The following BANK1 variants were observed in gnomAD, a reference collection of about 807,000 sequenced individuals.
BANK1 encodes B cell scaffold protein with ankyrin repeats 1.
Under a neutral mutation model 94.5 loss-of-function variants are expected in BANK1, and 95 were observed. The observed-to-expected ratio is 1.00, with a 90% CI of 0.85 to 1.19. The LOEUF is 1.19. Among genes scored for constraint, BANK1 ranks in the 50% most tolerant of loss-of-function variants. The pLI is 0.00. For missense variants in BANK1, 987 were observed against 932.2 expected, an observed-to-expected ratio of 1.06 and a Z score of -0.77; for synonymous variants, 334 against 308.4, an observed-to-expected ratio of 1.08 and a Z score of -0.87.
At chr4:102,039,639 A>C (rs1727642212) in intron 10 of BANK1, among the ~76,000 whole-genome samples, 1 of 152,106 alleles carries the variant, frequency 6.6e-6, no homozygotes, top group Admixed American at 6.6e-5. Flanking sequence ...TCTTATCAGT[A>C]AGCAGTAATG....
intron 1 of BANK1, among the ~76,000 whole-genome samples, chr4:101,805,785 T>C (rs1433722227): frequency 6.6e-6 from 1 of 151,860 alleles, no homozygotes; most frequent in Non-Finnish European, 1.5e-5. Flanking sequence ...GGCAATCTTT[T>C]TCAAACTCTT....
At chr4:101,795,312 AG>A (rs1725118575) in intron 1 of BANK1, among the ~76,000 whole-genome samples, 1 of 152,052 alleles carries the variant, frequency 6.6e-6, no homozygotes, top group African/African-American at 2.4e-5. Context: ...CTGGACAACA[AG>A]TCATATTGTT....
rs562662392 is a variant in BANK1 at position 101,998,017 on chromosome 4, G to T, written c.1207-23497G>T. On this transcript the variant is annotated intron_variant, in intron 7 of 16. Transcript: ENST00000322953. ...CTGTTAATTGCGATGTAAGAGTGGC[G>T]ATTTTAGATCTTTCCCACTTTCTCC... Among the ~76,000 whole-genome samples, 4 of 152,124 alleles carry T rather than the reference G, an allele frequency of 2.6e-5. No individual in the cohort carries two copies. In the East Asian group the frequency reaches 7.7e-4, roughly 29 times the overall value.
At chr4:101,875,198 G>A (rs953546456) in intron 5 of BANK1, among the ~76,000 whole-genome samples, 4 of 120,196 alleles carry the variant, frequency 3.3e-5, no homozygotes, top group Admixed American at 2.2e-4. Context: ...TCTGGGAGCA[G>A]GTGTGGTGCA....
chr4:101,912,686 C>A lies in BANK1; in HGVS notation c.1010-5307C>A, dbSNP rs188641194. ...ATTGGCAGGTCTGAAATATGCAGGG[C>A]AGGTTGGCACTTAGGGGTTTCCCTA... On this transcript the variant is annotated intron_variant, in intron 6 of 16. Transcript: ENST00000322953. Among the ~76,000 whole-genome samples, 519 of 149,772 alleles carry A rather than the reference C, an allele frequency of 3.5e-3. 1 individual carries two copies. The highest frequency in any genetic ancestry group is 0.012 in the African/African-American group (490 of 40,988).
chr4:101,842,540 G>A (rs1357218372), intron 2 of BANK1, among the ~76,000 whole-genome samples: 1 of 152,114 alleles, frequency 6.6e-6, no homozygotes. Flanking sequence ...AATACTTCTA[G>A]CATCCCCATT....
chr4:102,004,010 A>G lies in BANK1; in HGVS notation c.1207-17504A>G, dbSNP rs532087639. On this transcript the variant is annotated intron_variant, in intron 7 of 16. Coordinates refer to ENST00000322953, the MANE Select transcript of BANK1 (RefSeq NM_017935.5). ...ATATACATATATGTATATATAACCT[A>G]TTTGAGCTATGTAAAATGACAACCC... is the stretch of plus-strand genomic sequence containing the variant. Among the ~76,000 whole-genome samples the G allele has an allele frequency of 3.3e-5, 5 of 151,668 alleles. No individual in the cohort carries two copies. The South Asian group carries it at 6.3e-4, about 19-fold the overall frequency.
intron 2 of BANK1, among the ~76,000 whole-genome samples, chr4:101,841,676 C>T (rs1323179804): frequency 1.3e-5 from 2 of 151,366 alleles, no homozygotes; most frequent in Admixed American, 1.3e-4. Flanking sequence ...GCACAATGTG[C>T]AGGTTAGTTA....
chr4:101,832,582 T>C (rs981144698), intron 2 of BANK1, among the ~76,000 whole-genome samples: 2 of 152,188 alleles, frequency 1.3e-5, no homozygotes, highest in African/African-American at 4.8e-5. Flanking sequence ...ACTTCCAATC[T>C]CTTTCGTTTT....
At chr4:102,066,499 C>T (rs902863262) in intron 13 of BANK1, among the ~76,000 whole-genome samples, 3 of 152,052 alleles carry the variant, frequency 2.0e-5, no homozygotes, top group Admixed American at 6.6e-5. Context: ...CCTCGTGATC[C>T]GCCCGCCTCG....
At chr4:101,825,739 A>G (rs112709516) in intron 1 of BANK1, among the ~76,000 whole-genome samples, 1 of 152,126 alleles carries the variant, frequency 6.6e-6, no homozygotes, top group Admixed American at 6.5e-5. Context: ...AAATACTGAA[A>G]TGATTTCATC....
chr4:101,870,621 G>T lies in BANK1; in HGVS notation c.880G>T (p.Asp294Tyr). Residue 294 changes from aspartate (D) to tyrosine (Y), a missense_variant, in exon 5 of 17, where the codon GAT becomes TAT. By Grantham distance (160) the Asp-to-Tyr change is radical. Transcript: ENST00000322953. ...KAKECLFRMA[D>Y]SGESLCQNSI... ...AAAGGAATGCCTATTCAGAATGGCAGATTCAGGAGAGAGTTTGTGCCAGGT... is the reference window on the plus strand; with the variant it reads ...AAAGGAATGCCTATTCAGAATGGCATATTCAGGAGAGAGTTTGTGCCAGGT... The T allele has an allele frequency of 6.2e-7, 1 of 1,611,320 alleles. No individual in the cohort carries two copies. Among genetic ancestry groups the T allele is most frequent in the Non-Finnish European group, 8.5e-7 (1 of 1,178,764 alleles).
At chr4:101,915,825 T>G (rs1722808916) in intron 6 of BANK1, among the ~76,000 whole-genome samples, 1 of 152,216 alleles carries the variant, frequency 6.6e-6, no homozygotes, top group African/African-American at 2.4e-5. Flanking sequence ...ATTTTTTTGT[T>G]TCTTAAAATT....
chr4:102,069,168 T>C (rs1045028166), intron 13 of BANK1, among the ~76,000 whole-genome samples: 3 of 152,222 alleles, frequency 2.0e-5, no homozygotes, highest in Non-Finnish European at 4.4e-5. Context: ...ATGAATGTTA[T>C]GGTATTGCAC....
At chr4:101,950,967 G>A (rs1724128708) in intron 7 of BANK1, among the ~76,000 whole-genome samples, 2 of 152,068 alleles carry the variant, frequency 1.3e-5, no homozygotes, top group Admixed American at 6.6e-5. Flanking sequence ...AGTCATCAAA[G>A]ACAAAGAAAC....
At chr4:101,947,309 A>AGATATATATATATATATATATATATATG (rs1723966925) in intron 7 of BANK1, among the ~76,000 whole-genome samples, 1 of 67,864 alleles carries the variant, frequency 1.5e-5, no homozygotes, top group Non-Finnish European at 3.4e-5. Flanking sequence ...ATATATATAT[A>AGATATATATATATATATATATATATATG]TATGTATATG....
chr4:101,808,918 C>A (rs1299760506), intron 1 of BANK1, among the ~76,000 whole-genome samples: 1 of 152,120 alleles, frequency 6.6e-6, no homozygotes, highest in Non-Finnish European at 1.5e-5. Context: ...ACTAGTATAA[C>A]CACTATGGAA....
chr4:101,929,121 C>T (rs1305947549), intron 7 of BANK1, among the ~76,000 whole-genome samples: 1 of 151,620 alleles, frequency 6.6e-6, no homozygotes, highest in African/African-American at 2.4e-5. Flanking sequence ...GACATTTCAA[C>T]CTGATGTCCA....
chr4:101,952,998 T>C (rs1724224088), intron 7 of BANK1, among the ~76,000 whole-genome samples: 1 of 152,054 alleles, frequency 6.6e-6, no homozygotes, highest in Admixed American at 6.6e-5. Flanking sequence ...TGAGAAGAAC[T>C]AGACAAGGGC....
Sources: gnomAD v4.1 joint callset for allele counts (sites outside exome capture counted in the v4.1 genomes callset) on GRCh38, gnomAD v4.1.1 for gene constraint, MANE v1.5 for transcripts, NCBI Gene and HGNC (gene_info 2026-07-23, HGNC 2026-07-21) for gene names.